The following APBB1IP variants were observed in gnomAD, a reference collection of about 807,000 sequenced individuals.
APBB1IP encodes amyloid beta A4 precursor protein-binding family B member 1-interacting protein.
In APBB1IP, 27 loss-of-function variants were observed where a neutral mutation model predicts 64.9. The ratio of observed to expected loss-of-function variants is 0.42; its 90% CI spans 0.31 to 0.57. APBB1IP has a LOEUF of 0.57. APBB1IP is among the 20% of genes least tolerant of loss of function. APBB1IP has a pLI of 0.20. For synonymous variants in APBB1IP, 392 were observed against 331.0 expected, an observed-to-expected ratio of 1.18 and a Z score of -2.00; for missense variants, 812 against 845.5, an observed-to-expected ratio of 0.96 and a Z score of 0.49.
At chr10:26,458,156 G>T (rs1239449936) in intron 2 of APBB1IP, among the ~76,000 whole-genome samples, 1 of 152,186 alleles carries the variant, frequency 6.6e-6, no homozygotes, top group East Asian at 1.9e-4. Context: ...GGGAGGCCAA[G>T]GTCGGTGGAT....
intron 8 of APBB1IP, among the ~76,000 whole-genome samples, chr10:26,529,412 G>A (rs1836519915): frequency 6.6e-6 from 1 of 152,236 alleles, no homozygotes; most frequent in African/African-American, 2.4e-5. Flanking sequence ...CAAAAACAGT[G>A]TAGCATGGTC....
At chr10:26,517,007 G>A (rs1026815272) in intron 8 of APBB1IP, among the ~76,000 whole-genome samples, 1 of 152,108 alleles carries the variant, frequency 6.6e-6, no homozygotes, top group Non-Finnish European at 1.5e-5. Context: ...CTATTTTCTC[G>A]CCCCGAAATG....
intron 2 of APBB1IP, among the ~76,000 whole-genome samples, chr10:26,489,351 T>C (rs1263327823): frequency 2.0e-5 from 3 of 152,144 alleles, no homozygotes; most frequent in Non-Finnish European, 2.9e-5. Context: ...TAAGGTTATG[T>C]AGGAGAAGAA....
intron 8 of APBB1IP, among the ~76,000 whole-genome samples, chr10:26,530,470 T>A (rs532942641): frequency 6.6e-5 from 10 of 152,132 alleles, no homozygotes; most frequent in Admixed American, 3.3e-4. Context: ...GGCGGGCAGA[T>A]CACAAGGTCA....
chr10:26,551,692 G>A (rs1239879457), intron 11 of APBB1IP, among the ~76,000 whole-genome samples: 1 of 152,080 alleles, frequency 6.6e-6, no homozygotes, highest in Non-Finnish European at 1.5e-5. Flanking sequence ...CCCTTACTCA[G>A]CTATATTTTT....
chr10:26,560,420 A>G (rs1020956354), intron 12 of APBB1IP, among the ~76,000 whole-genome samples: 1 of 152,200 alleles, frequency 6.6e-6, no homozygotes, highest in African/African-American at 2.4e-5. Context: ...GAGTATTGCA[A>G]GCTTAGTGTG....
intron 2 of APBB1IP, among the ~76,000 whole-genome samples, chr10:26,451,574 CTAT>C (rs1212380302): frequency 2.0e-5 from 3 of 152,226 alleles, no homozygotes; most frequent in African/African-American, 7.2e-5. Context: ...AATTCAGCCA[CTAT>C]TGAGATCCTA....
rs812007 is a variant in APBB1IP at position 26,501,207 on chromosome 10, T to G, written c.453+96T>G. On this transcript the variant is annotated intron_variant, in intron 5 of 14. Transcript: ENST00000376236. ...ATCATTACATTCCTAAGTTGGTACATCCAAAGATCTGAGATACTAAAAAAC... is the reference window on the plus strand; with the variant it reads ...ATCATTACATTCCTAAGTTGGTACAGCCAAAGATCTGAGATACTAAAAAAC... 6 of 1,542,818 alleles carry G rather than the reference T, an allele frequency of 3.9e-6. No homozygotes were observed. In the African/African-American group the frequency reaches 4.1e-5, roughly 11 times the overall value.
chr10:26,506,256 G>A (rs1017042140), intron 6 of APBB1IP, among the ~76,000 whole-genome samples: 3 of 142,050 alleles, frequency 2.1e-5, no homozygotes, highest in East Asian at 2.4e-4. Flanking sequence ...TGTGTGGGGG[G>A]GGGGGGTGGG....
chr10:26,536,293 C>A, intron 10 of APBB1IP, 76 bp downstream of exon 10: 1 of 1,433,468 alleles, frequency 7.0e-7, no homozygotes, highest in Non-Finnish European at 9.3e-7. Flanking sequence ...CCTTAGTTGG[C>A]AAGTTAAATA....
In APBB1IP at chr10:26,525,112, T is replaced by C. The variant is rs542121088; in HGVS notation, c.814-8327T>C. On this transcript the variant is annotated intron_variant, in intron 8 of 14. Coordinates refer to ENST00000376236, the MANE Select transcript of APBB1IP (RefSeq NM_019043.4). ...AGACTGGGCAACATGTGAGACCTCA[T>C]CTCTATAAAAAAATTAAAAATTAGC... Among the ~76,000 whole-genome samples the C allele has an allele frequency of 1.9e-4, 29 of 151,594 alleles. No homozygotes were observed. In the South Asian group the frequency reaches 6.1e-3, roughly 32 times the overall value.
intron 2 of APBB1IP, among the ~76,000 whole-genome samples, chr10:26,469,152 A>G (rs188148145): frequency 2.6e-5 from 4 of 151,728 alleles, no homozygotes; most frequent in African/African-American, 9.7e-5. Context: ...TCTTGAAATA[A>G]GACTTAGCTG....
chr10:26,500,815 C>G lies in APBB1IP; in HGVS notation c.161-4C>G. On this transcript the variant is annotated splice_region_variant and splice_polypyrimidine_tract_variant and intron_variant, in intron 4 of 14. Transcript: ENST00000376236. Reference sequence around the variant, plus strand: ...TATACCATTAATGTGATTTTCCCTACTAGAGTCCTTAAATGCACTGGAAGA... The same window carrying G: ...TATACCATTAATGTGATTTTCCCTAGTAGAGTCCTTAAATGCACTGGAAGA... 1 of 1,610,420 alleles carries G rather than the reference C, an allele frequency of 6.2e-7. No individual in the cohort carries two copies. Among genetic ancestry groups the G allele is most frequent in the Non-Finnish European group, 8.5e-7 (1 of 1,177,412 alleles).
At chr10:26,519,918 G>A (rs1371133707) in intron 8 of APBB1IP, among the ~76,000 whole-genome samples, 1 of 152,178 alleles carries the variant, frequency 6.6e-6, no homozygotes, top group Non-Finnish European at 1.5e-5. Flanking sequence ...TTGATGTCAT[G>A]GCTCCTAAAA....
At position 26,536,140 on chromosome 10, in the gene APBB1IP, G is replaced by A. The variant is rs770973416; in HGVS notation, c.967G>A (p.Gly323Arg). Residue 323 changes from glycine to arginine, a missense_variant, in exon 10 of 15, where the codon GGA becomes AGA. By Grantham distance (125) the Gly-to-Arg change is moderately radical (BLOSUM62 -2). This residue lies in a region of APBB1IP where 394 missense variants were observed against 413.1 expected (regional missense o/e 0.95). Coordinates refer to ENST00000376236, the MANE Select transcript of APBB1IP (RefSeq NM_019043.4). ...AGGAGCTCTTTATTTGAAAGAAGATGGAAAGAAATCCTGGAAAAGGCGCTA... is the reference window on the plus strand; with the variant it reads ...AGGAGCTCTTTATTTGAAAGAAGATAGAAAGAAATCCTGGAAAAGGCGCTA... ...LEGALYLKED[G>R]KKSWKRRYFL... 1.2e-6 allele frequency: 2 copies of A among 1,608,834 alleles called. No homozygotes were observed. The highest frequency in any genetic ancestry group is 1.7e-6 in the Non-Finnish European group (2 of 1,178,026).
rs386361721 is a variant in APBB1IP, at chr10:26,469,258, C to CTTTTTTTTT, written c.1-23058_1-23050dup. Reference sequence around the variant, plus strand: ...GTGTTTTCTTTCCTTCTTTTCTTTTCTTTTTTTTTTTTTTTTTTTGAGACA... The same window carrying CTTTTTTTTT: ...GTGTTTTCTTTCCTTCTTTTCTTTTCTTTTTTTTTTTTTTTTTTTTTTTTTTTTGAGACA... On this transcript the variant is annotated intron_variant, in intron 2 of 14. Coordinates refer to ENST00000376236, the MANE Select transcript of APBB1IP (RefSeq NM_019043.4). Among the ~76,000 whole-genome samples, 78 of 112,934 alleles carry CTTTTTTTTT rather than the reference C, an allele frequency of 6.9e-4. 1 individual carries two copies. The highest frequency in any genetic ancestry group is 2.6e-3 in the African/African-American group (72 of 28,088). The allele number at this position is 112,934 out of a possible 152,430, so 74.1% of individuals were successfully genotyped here. A position where few individuals can be genotyped will look rare whatever the true frequency, so the allele number is the denominator to read the frequency against.
intron 9 of APBB1IP, 64 bp from the exon 10 acceptor site, chr10:26,536,010 T>A: frequency 6.7e-7 from 1 of 1,496,678 alleles, no homozygotes; most frequent in Non-Finnish European, 8.9e-7. Flanking sequence ...AGTTTTTAAA[T>A]GTGAATAAAA....
At chr10:26,527,255 G>C (rs1375724592) in intron 8 of APBB1IP, among the ~76,000 whole-genome samples, 1 of 152,022 alleles carries the variant, frequency 6.6e-6, no homozygotes, top group South Asian at 2.1e-4. Context: ...TGCATGAAAG[G>C]CAACCTTAGA....
intron 2 of APBB1IP, among the ~76,000 whole-genome samples, chr10:26,473,098 T>C (rs1835739044): frequency 1.3e-5 from 2 of 152,348 alleles, no homozygotes; most frequent in East Asian, 1.9e-4. Context: ...CTCAACTCTT[T>C]GTTACTCAAG....
Sources: allele counts gnomAD v4.1 joint callset (sites outside exome capture counted in the v4.1 genomes callset), GRCh38; gene constraint gnomAD v4.1.1; regional missense constraint gnomAD v4.1.1; transcripts MANE v1.5; gene names NCBI Gene and HGNC (gene_info 2026-07-23, HGNC 2026-07-21).